PCDH11X: variants seen among roughly 807,000 people sequenced by gnomAD.
PCDH11X encodes protocadherin-11 X-linked.
PCDH11X carries 18 observed loss-of-function variants against 53.3 expected under a neutral mutation model. The ratio of observed to expected loss-of-function variants is 0.34; its 90% CI spans 0.23 to 0.50. PCDH11X has a LOEUF of 0.50. PCDH11X is among the 20% of genes least tolerant of loss of function. The pLI is 0.98. For missense variants in PCDH11X, 570 were observed against 1,032.4 expected, an observed-to-expected ratio of 0.55 and a Z score of 6.14; for synonymous variants, 279 against 393.3, an observed-to-expected ratio of 0.71 and a Z score of 3.44.
chrX:92,372,959 T>C (rs746980253), intron 8 of PCDH11X, among the ~76,000 whole-genome samples: 297 of 111,632 alleles, frequency 2.7e-3, no homozygotes, highest in Middle Eastern at 9.2e-3. Context: ...AGTTGGTATG[T>C]CAATCAAATG....
rs754917894 is a variant in PCDH11X at position 92,407,782 on chromosome X, G to C, written c.3343+19849G>C. On this transcript the variant is annotated intron_variant, in intron 9 of 10. Coordinates refer to ENST00000682573, the MANE Select transcript of PCDH11X (RefSeq NM_032968.5). ...ATATTGTTAAGCTGCCTGACAAAAA[G>C]GGTAAACTAGTTTATAATCCCACTA... is the stretch of plus-strand genomic sequence containing the variant. Among the ~76,000 whole-genome samples, 643 of 110,791 alleles carry C rather than the reference G, an allele frequency of 5.8e-3. 3 individuals carry two copies. Among genetic ancestry groups the C allele is most frequent in the Middle Eastern group, 0.028 (6 of 214 alleles).
At chrX:92,148,123 TTTCTTTCTTTTTCC>T (rs2065351045) in intron 6 of PCDH11X, among the ~76,000 whole-genome samples, 1 of 17,317 alleles carries the variant, frequency 5.8e-5, no homozygotes, top group Non-Finnish European at 1.0e-4. Context: ...TCTTTCTTTC[TTTCTTTCTTTTTCC>T]TTCCTTCCTT....
chrX:92,498,277 C>T (rs1948558262), intron 10 of PCDH11X, among the ~76,000 whole-genome samples: 1 of 109,904 alleles, frequency 9.1e-6, no homozygotes, highest in Non-Finnish European at 1.9e-5. Flanking sequence ...AACATTAGTC[C>T]AGCAACAAAA....
At chrX:91,885,618 A>G (rs1940160415) in intron 6 of PCDH11X, among the ~76,000 whole-genome samples, 1 of 110,430 alleles carries the variant, frequency 9.1e-6, no homozygotes, top group South Asian at 3.9e-4. Context: ...ACACTGAACT[A>G]AGGGAGAATA....
intron 6 of PCDH11X, among the ~76,000 whole-genome samples, chrX:92,067,320 T>A (rs2063625260): frequency 9.1e-6 from 1 of 109,912 alleles, no homozygotes; most frequent in African/African-American, 3.3e-5. Context: ...GCTATTATTA[T>A]GTTGAGATAC....
intron 9 of PCDH11X, among the ~76,000 whole-genome samples, chrX:92,422,599 A>G (rs1396501793): frequency 9.0e-6 from 1 of 111,493 alleles, no homozygotes; most frequent in Non-Finnish European, 1.9e-5. Flanking sequence ...GAAATCGCAA[A>G]TTGTGCTGCT....
At chrX:92,448,799 A>G (rs2072715363) in intron 9 of PCDH11X, among the ~76,000 whole-genome samples, 1 of 111,198 alleles carries the variant, frequency 9.0e-6, no homozygotes, top group Admixed American at 9.6e-5. Context: ...GCTAAGTAGT[A>G]TATGTGGTTT....
Position 92,235,133 on chromosome X carries a change from C to T in PCDH11X, c.3115-27981C>T, listed in dbSNP as rs189601765. 3.6e-3 allele frequency among the ~76,000 whole-genome samples: 395 copies of T among 108,869 alleles called. 1 individual carries two copies. The highest frequency in any genetic ancestry group is 0.019 in the Middle Eastern group (4 of 206). 94.5% of individuals were successfully genotyped at this position (108,869 alleles called of 115,157 possible). On this transcript the variant is annotated intron_variant, in intron 7 of 10. Transcript: ENST00000682573. ...GAAGTTATTAAGATAAAATTACATACGAATATGATAAAAAAGAAAGAGAAA... is the reference window on the plus strand; with the variant it reads ...GAAGTTATTAAGATAAAATTACATATGAATATGATAAAAAAGAAAGAGAAA...
intron 1 of PCDH11X, among the ~76,000 whole-genome samples, chrX:91,797,564 TTAAATAAC>T (rs1487067260): frequency 9.1e-6 from 1 of 110,143 alleles, no homozygotes; most frequent in Non-Finnish European, 1.9e-5. Flanking sequence ...TCTCTCAGCA[TTAAATAAC>T]TAAATAACAT....
At chrX:92,276,243 C>T (rs992850247) in intron 8 of PCDH11X, among the ~76,000 whole-genome samples, 3 of 106,897 alleles carry the variant, frequency 2.8e-5, no homozygotes, top group Admixed American at 1.0e-4. Flanking sequence ...AAGAAGGGGA[C>T]GGGCTTACCT....
At chrX:92,146,849 A>T (rs888577730) in intron 6 of PCDH11X, among the ~76,000 whole-genome samples, 52 of 109,980 alleles carry the variant, frequency 4.7e-4, no homozygotes, top group Non-Finnish European at 7.8e-4. Context: ...AAATGCAAAC[A>T]TTAGCCAGGT....
At chrX:92,329,757 T>C (rs2069418251) in intron 8 of PCDH11X, among the ~76,000 whole-genome samples, 1 of 111,327 alleles carries the variant, frequency 9.0e-6, no homozygotes, top group Non-Finnish European at 1.9e-5. Context: ...TCTCACTTAT[T>C]TGTGAGAGCT....
intron 6 of PCDH11X, among the ~76,000 whole-genome samples, chrX:92,072,992 C>A (rs186415584): frequency 4.5e-5 from 5 of 111,341 alleles, no homozygotes; most frequent in African/African-American, 6.6e-5. Flanking sequence ...TGGCAGATTC[C>A]CCTCTGACTA....
In PCDH11X at chrX:91,981,797, T is replaced by C. The variant is rs777603920; in HGVS notation, c.3033+102524T>C. On this transcript the variant is annotated intron_variant, in intron 6 of 10. Transcript: ENST00000682573. ...ACTCCTGTTGTTGTTGTTGTTTTCT[T>C]TTTTTTAGGTTTCAATATTTTATTC... Among the ~76,000 whole-genome samples the C allele has an allele frequency of 5.5e-4, 58 of 105,899 alleles. 1 individual carries two copies. The highest frequency in any genetic ancestry group is 1.1e-3 in the Non-Finnish European group (57 of 51,534). The allele number at this position is 105,899 out of a possible 115,157, so 92.0% of individuals were successfully genotyped here.
At chrX:91,852,008 C>CTTTTTT (rs59675485) in intron 5 of PCDH11X, among the ~76,000 whole-genome samples, 6 of 94,477 alleles carry the variant, frequency 6.4e-5, no homozygotes, top group Non-Finnish European at 8.3e-5. Context: ...ATTAGGAATT[C>CTTTTTT]TTTTTTTTTT....
intron 6 of PCDH11X, among the ~76,000 whole-genome samples, chrX:92,147,982 TTC>T (rs1342252944): frequency 3.4e-5 from 3 of 88,071 alleles, no homozygotes; most frequent in East Asian, 6.8e-4. Flanking sequence ...CCTTCCTTCC[TTC>T]CTTTCTTTCT....
chrX:92,358,887 A>C (rs1431194101), intron 8 of PCDH11X, among the ~76,000 whole-genome samples: 1 of 109,824 alleles, frequency 9.1e-6, no homozygotes, highest in Non-Finnish European at 1.9e-5. Context: ...CAGGCTATAT[A>C]ATCTCAATAA....
At chrX:92,194,484 T>C (rs912142189) in intron 6 of PCDH11X, among the ~76,000 whole-genome samples, 3 of 111,032 alleles carry the variant, frequency 2.7e-5, no homozygotes, top group African/African-American at 9.8e-5. Flanking sequence ...AGTCAGGATA[T>C]TGAAATATGA....
rs142570301 is a variant in PCDH11X at position 92,436,880 on chromosome X, C to G, written c.3344-31419C>G. Among the ~76,000 whole-genome samples, 788 of 107,756 alleles carry G rather than the reference C, an allele frequency of 7.3e-3. 10 individuals are homozygous for G. The highest frequency in any genetic ancestry group is 0.025 in the African/African-American group (750 of 29,564). The allele number at this position is 107,756 out of a possible 115,157, so 93.6% of individuals were successfully genotyped here. A position where few individuals can be genotyped will look rare whatever the true frequency, so the allele number is the denominator to read the frequency against. ...AACTATTGAGTACTAGGTTTAGTAC[C>G]TGGGCGACAAAATAATCTGTACAGC... On this transcript the variant is annotated intron_variant, in intron 9 of 10. Coordinates refer to ENST00000682573, the MANE Select transcript of PCDH11X (RefSeq NM_032968.5).
Sources: gnomAD v4.1 joint callset for allele counts (sites outside exome capture counted in the v4.1 genomes callset) on GRCh38, gnomAD v4.1.1 for gene constraint, MANE v1.5 for transcripts, NCBI Gene and HGNC (gene_info 2026-07-23, HGNC 2026-07-21) for gene names.